Variants in ASCC3 observed in about 807,000 individuals in gnomAD.
ASCC3 encodes ASC-1 complex subunit P200.
ASCC3 carries 158 observed loss-of-function variants against 256.3 expected under a neutral mutation model. The ratio of observed to expected loss-of-function variants is 0.62; its 90% CI spans 0.54 to 0.70. ASCC3 has a LOEUF of 0.70. Ranked by LOEUF, ASCC3 falls within the 30% of genes least tolerant of loss-of-function variation. The probability of loss-of-function intolerance (pLI) is 0.00; values close to 1 mark genes in which losing one functional copy is unlikely to be tolerated. For synonymous variants in ASCC3, 948 were observed against 883.4 expected (o/e 1.07, Z -1.30); for missense variants, 2,259 against 2,626.0 (o/e 0.86, Z 3.05).
chr6:100,534,297 C>T (rs575519663), intron 37 of ASCC3, among the ~76,000 whole-genome samples: 11 of 152,194 alleles, frequency 7.2e-5, no homozygotes, highest in Non-Finnish European at 1.5e-4. Flanking sequence ...AAAAAATACA[C>T]AAAAAAGGCA....
At chr6:100,715,406 T>C (rs1335079851) in intron 13 of ASCC3, 56 bp downstream of exon 13, 1 of 1,452,900 alleles carries the variant, frequency 6.9e-7, no homozygotes, top group Non-Finnish European at 9.6e-7. Context: ...ATTTTTATCA[T>C]TAAGCACTCT....
intron 30 of ASCC3, among the ~76,000 whole-genome samples, chr6:100,609,300 T>A (rs1007202024): frequency 6.6e-6 from 1 of 152,016 alleles, no homozygotes; most frequent in Non-Finnish European, 1.5e-5. Flanking sequence ...AATCTAAGTT[T>A]AGTTTTCCTA....
intron 24 of ASCC3, among the ~76,000 whole-genome samples, chr6:100,642,207 C>T (rs993838571): frequency 1.3e-5 from 2 of 150,770 alleles, no homozygotes; most frequent in African/African-American, 4.9e-5. Flanking sequence ...ATTTGCAGGA[C>T]ACAAACTCAC....
intron 13 of ASCC3, among the ~76,000 whole-genome samples, chr6:100,682,192 G>T (rs1488554289): frequency 6.6e-6 from 1 of 150,878 alleles, no homozygotes; most frequent in Non-Finnish European, 1.5e-5. Context: ...TAAGAAAATC[G>T]GAATTAAAAT....
At chr6:100,870,268 G>C (rs1186284583) in intron 1 of ASCC3, among the ~76,000 whole-genome samples, 7 of 151,614 alleles carry the variant, frequency 4.6e-5, no homozygotes, top group African/African-American at 1.7e-4. Context: ...GGAGGCTGAT[G>C]CATGAGAATC....
chr6:100,686,257 G>A (rs1322814715), intron 13 of ASCC3, among the ~76,000 whole-genome samples: 1 of 152,110 alleles, frequency 6.6e-6, no homozygotes, highest in African/African-American at 2.4e-5. Flanking sequence ...GTTTATTAGA[G>A]TATAATTTTG....
At chr6:100,787,403 A>G (rs1260112194) in intron 8 of ASCC3, among the ~76,000 whole-genome samples, 1 of 152,162 alleles carries the variant, frequency 6.6e-6, no homozygotes, top group Non-Finnish European at 1.5e-5. Context: ...AGAAAAATAA[A>G]TGAAGAAGTA....
chr6:100,649,606 A>G (rs1775556764), intron 20 of ASCC3, among the ~76,000 whole-genome samples: 1 of 151,626 alleles, frequency 6.6e-6, no homozygotes, highest in Non-Finnish European at 1.5e-5. Flanking sequence ...TTCCATGTTT[A>G]AAGGACTCCT....
chr6:100,530,771 A>C (rs565895533), intron 37 of ASCC3: 2 of 1,017,850 alleles, frequency 2.0e-6, no homozygotes, highest in Non-Finnish European at 3.1e-6. Context: ...TTAATTTTGC[A>C]AAGAATCCAA....
intron 30 of ASCC3, among the ~76,000 whole-genome samples, chr6:100,609,394 TTTATA>T (rs1773275723): frequency 6.6e-6 from 1 of 152,052 alleles, no homozygotes; most frequent in African/African-American, 2.4e-5. Flanking sequence ...ATTCACAATT[TTTATA>T]TATTATAATT....
rs374091329 is a variant in ASCC3 at position 100,584,921 on chromosome 6, A to G, written c.5550+4713T>C. Among the ~76,000 whole-genome samples, 210 of 152,232 alleles carry G rather than the reference A, an allele frequency of 1.4e-3. 1 individual carries two copies. The highest frequency in any genetic ancestry group is 2.2e-3 in the Non-Finnish European group (148 of 68,004). The stretch of plus-strand genomic sequence containing the variant: ...TGAATATTGGCCCCCACTCTCTTCT[A>G]GCTTGTAGAGTTTCTGCCGAGAGAT... On this transcript the variant is annotated intron_variant, in intron 36 of 41. Transcript: ENST00000369162.
chr6:100,589,842 T>A (rs1006398), intron 35 of ASCC3, 74 bp from the exon 36 acceptor site: 723,138 of 1,599,396 alleles, frequency 0.45, 166,732 homozygotes, highest in East Asian at 0.58. Context: ...TTCAGACAGG[T>A]GCTTTTGAAA....
intron 4 of ASCC3, among the ~76,000 whole-genome samples, chr6:100,820,181 G>T (rs1770967097): frequency 6.6e-6 from 1 of 152,096 alleles, no homozygotes; most frequent in Admixed American, 6.5e-5. Context: ...AGAAAACTCA[G>T]AATAGTCAAA....
intron 14 of ASCC3, among the ~76,000 whole-genome samples, chr6:100,674,565 G>A (rs1293758576): frequency 6.6e-6 from 1 of 151,216 alleles, no homozygotes; most frequent in Non-Finnish European, 1.5e-5. Context: ...CAAAACTCAT[G>A]GGTAAACATT....
chr6:100,846,566 A>T (rs72949069), intron 4 of ASCC3, among the ~76,000 whole-genome samples: 2,434 of 152,110 alleles, frequency 0.016, 40 homozygotes, highest in South Asian at 0.046. Flanking sequence ...CTCAGCCCTC[A>T]CCTCCTTTGG....
At chr6:100,832,456 T>C (rs983485189) in intron 4 of ASCC3, among the ~76,000 whole-genome samples, 3 of 152,048 alleles carry the variant, frequency 2.0e-5, no homozygotes, top group African/African-American at 7.2e-5. Context: ...CTTAATGAAG[T>C]ACTGTAGTAA....
At chr6:100,652,929 G>A (rs1247427186) in intron 17 of ASCC3, 40 bp from the exon 18 acceptor site, 1 of 1,569,478 alleles carries the variant, frequency 6.4e-7, no homozygotes, top group Non-Finnish European at 8.8e-7. Context: ...TAGTGCTTTA[G>A]AGAGTAACCA....
chr6:100,826,845 TTC>T (rs1458858916), intron 4 of ASCC3, among the ~76,000 whole-genome samples: 2 of 152,240 alleles, frequency 1.3e-5, no homozygotes, highest in South Asian at 2.1e-4. Context: ...CAGTCTACAT[TTC>T]TCTTTCTTCT....
intron 30 of ASCC3, among the ~76,000 whole-genome samples, chr6:100,609,355 T>C (rs1773273611): frequency 6.6e-6 from 1 of 151,502 alleles, no homozygotes; most frequent in Non-Finnish European, 1.5e-5. Context: ...AATACTTCCT[T>C]ATCTTACTTT....
Sources: allele counts gnomAD v4.1 joint callset (sites outside exome capture counted in the v4.1 genomes callset), GRCh38; gene constraint gnomAD v4.1.1; transcripts MANE v1.5; gene names NCBI Gene and HGNC (gene_info 2026-07-23, HGNC 2026-07-21).